HMGB3: variants seen among roughly 807,000 people sequenced by gnomAD.
HMGB3 encodes high mobility group protein B3.
Under a neutral mutation model 12.9 loss-of-function variants are expected in HMGB3, and 1 was observed. That is an observed-to-expected ratio of 0.08 (90% confidence interval 0.03 to 0.37). The LOEUF (loss-of-function observed/expected upper bound fraction) is 0.37. HMGB3 is among the 10% of genes least tolerant of loss of function. The probability of loss-of-function intolerance (pLI) is 0.99; values close to 1 mark genes in which losing one functional copy is unlikely to be tolerated. For missense variants in HMGB3, 74 were observed against 153.3 expected (o/e 0.48, Z 2.73); for synonymous variants, 61 against 53.9 (o/e 1.13, Z -0.57).
Position 150,985,583 on chromosome X carries a change from CT to C in HMGB3, c.-5-8del. ...TTCCTCATTGTATTTCTTTGTTTCT[CT>C]TTTATCACAGTCAGGATGGCTAAAG... On this transcript the variant is annotated splice_polypyrimidine_tract_variant and intron_variant, in intron 1 of 4. Coordinates refer to ENST00000325307, the MANE Select transcript of HMGB3 (RefSeq NM_005342.4). The C allele has an allele frequency of 8.6e-7, 1 of 1,162,348 alleles. No homozygotes were observed. The highest frequency in any genetic ancestry group is 1.1e-6 in the Non-Finnish European group (1 of 873,397).
intron 1 of HMGB3, 58 bp downstream of exon 1, chrX:150,983,434 G>A (rs2048009654): frequency 3.0e-6 from 2 of 657,097 alleles, no homozygotes; most frequent in East Asian, 1.6e-4. Context: ...CGCCGCCGCC[G>A]CCGCCGCCGC....
chrX:150,988,216 A>C lies in HMGB3; in HGVS notation c.*302A>C. 1 of 206,219 alleles carries C rather than the reference A, an allele frequency of 4.8e-6. No homozygotes were observed. Among genetic ancestry groups the C allele is most frequent in the East Asian group, 8.6e-5 (1 of 11,585 alleles). The allele number at this position is 206,219 out of a possible 1,213,427, so 17.0% of individuals were successfully genotyped here. A position where few individuals can be genotyped will look rare whatever the true frequency, so the allele number is the denominator to read the frequency against. ...CACTTTGCTGTTGGTGTGACAAGGCATTTAAAGATGTTTCTGGCATTTTCT... is the reference window on the plus strand; with the variant it reads ...CACTTTGCTGTTGGTGTGACAAGGCCTTTAAAGATGTTTCTGGCATTTTCT... On this transcript the variant is annotated 3_prime_UTR_variant, in exon 5 of 5. Coordinates refer to ENST00000325307, the MANE Select transcript of HMGB3 (RefSeq NM_005342.4).
chrX:150,981,486 T>C (rs1228390534), upstream of HMGB3, among the ~76,000 whole-genome samples: 1 of 106,949 alleles, frequency 9.4e-6, no homozygotes, highest in African/African-American at 3.4e-5. Context: ...TTTTTTTTTT[T>C]TTTTTCGGAG....
At chrX:150,980,731 C>A, upstream of HMGB3, 1 of 332,321 alleles carries the variant, frequency 3.0e-6, no homozygotes, top group Non-Finnish European at 4.0e-6. Context: ...AACTGGGGGC[C>A]AGTTTGGGTT....
chrX:150,984,275 C>CG (rs1400473220), intron 1 of HMGB3, among the ~76,000 whole-genome samples: 1 of 78,472 alleles, frequency 1.3e-5, no homozygotes, highest in Non-Finnish European at 2.5e-5. Flanking sequence ...CGCCCCGCGC[C>CG]GGGGGGCGGG....
intron 1 of HMGB3, among the ~76,000 whole-genome samples, chrX:150,983,930 C>T (rs2048017970): frequency 9.5e-6 from 1 of 105,754 alleles, no homozygotes. Context: ...CTTGGCCCGG[C>T]GCCGCGCGGG....
rs1294484386 is a variant in HMGB3, at chrX:150,988,533, G to C, written c.*619G>C. 2.0e-5 allele frequency: 2 copies of C among 99,373 alleles called. No homozygotes were observed. Among genetic ancestry groups the C allele is most frequent in the East Asian group, 3.4e-4 (1 of 2,967 alleles). The allele number at this position is 99,373 out of a possible 1,213,427, so 8.2% of individuals were successfully genotyped here. A position where few individuals can be genotyped will look rare whatever the true frequency, so the allele number is the denominator to read the frequency against. On this transcript the variant is annotated 3_prime_UTR_variant, in exon 5 of 5. Transcript: ENST00000325307. Reference sequence around the variant, plus strand: ...GCTGCCATCTTAGCTGTGGACAAAGGGGGGTCAGCTGGCATGAGAATATTT... The same window carrying C: ...GCTGCCATCTTAGCTGTGGACAAAGCGGGGTCAGCTGGCATGAGAATATTT...
chrX:150,988,078 T>A lies in HMGB3; in HGVS notation c.*164T>A. 1.5e-6 allele frequency: 1 copy of A among 662,771 alleles called. No homozygotes were observed. Among genetic ancestry groups the A allele is most frequent in the East Asian group, 3.3e-5 (1 of 30,687 alleles). The allele number at this position is 662,771 out of a possible 1,213,427, so 54.6% of individuals were successfully genotyped here. A position where few individuals can be genotyped will look rare whatever the true frequency, so the allele number is the denominator to read the frequency against. The stretch of plus-strand genomic sequence containing the variant: ...AAAGTGCTCTAGAAATTGTCAGTGG[T>A]TTACATGAAGTGGCCATGGGTGTCT... On this transcript the variant is annotated 3_prime_UTR_variant, in exon 5 of 5. Transcript: ENST00000325307.
At chrX:150,984,302 CCCCGAGCCCCCGGGCGGCCCGGGCG>C (rs2048025583) in intron 1 of HMGB3, among the ~76,000 whole-genome samples, 1 of 92,470 alleles carries the variant, frequency 1.1e-5, no homozygotes, top group Non-Finnish European at 2.2e-5. Context: ...CGGCCCGGGC[CCCCGAGCCCCCGGGCGGCCCGGGCG>C]GGGCGGGGCG....
At chrX:150,986,607 C>T (rs781970016) in intron 3 of HMGB3, among the ~76,000 whole-genome samples, 5 of 110,515 alleles carry the variant, frequency 4.5e-5, no homozygotes, top group Non-Finnish European at 9.4e-5. Flanking sequence ...TATATATATG[C>T]GCGTATATAT....
rs1049273106 is a variant in HMGB3, at chrX:150,988,922, C to T, written c.*1008C>T. 1 of 111,123 alleles carries T rather than the reference C, an allele frequency of 9.0e-6. No homozygotes were observed. Among genetic ancestry groups the T allele is most frequent in the African/African-American group, 3.3e-5 (1 of 30,496 alleles). 9.2% of individuals were successfully genotyped at this position (111,123 alleles called of 1,213,427 possible). A position where few individuals can be genotyped will look rare whatever the true frequency, so the allele number is the denominator to read the frequency against. ...AGGGCTGAGATGAAGGAGAGGGCTA[C>T]TTGAAGCTACTGTGTGATTTTGTTT... On this transcript the variant is annotated 3_prime_UTR_variant, in exon 5 of 5. Transcript: ENST00000325307.
chrX:150,986,876 A>G (rs1266623249), intron 3 of HMGB3, among the ~76,000 whole-genome samples: 1 of 111,539 alleles, frequency 9.0e-6, no homozygotes, highest in Non-Finnish European at 1.9e-5. Flanking sequence ...GAAACTCCCA[A>G]CCTCAGGTGA....
chrX:150,987,439 C>T (rs2048064611), intron 4 of HMGB3, 137 bp downstream of exon 4: 14 of 496,784 alleles, frequency 2.8e-5, no homozygotes, highest in Admixed American at 1.4e-4. Context: ...AAGGTAGCTA[C>T]GGGTGCTGGT....
chrX:150,983,311 C>T, upstream of HMGB3: 1 of 755,539 alleles, frequency 1.3e-6, no homozygotes, highest in Non-Finnish European at 1.6e-6. Flanking sequence ...AGGCAGCTAG[C>T]GCGAGGCTGG....
intron 4 of HMGB3, among the ~76,000 whole-genome samples, 160 bp from the exon 5 acceptor site, chrX:150,987,617 G>A (rs1156855741): frequency 6.3e-5 from 7 of 111,923 alleles, no homozygotes; most frequent in Non-Finnish European, 1.3e-4. Flanking sequence ...GAATGGCTAA[G>A]AACCAAATTC....
chrX:150,987,143 G>T lies in HMGB3; in HGVS notation c.306G>T (p.Leu102=). ...APKRPPSGFF[L]FCSEFRPKIK... ...TTCTTCCAAGGTCTGGATTCTTCCT[G>T]TTCTGTTCAGAATTCCGCCCCAAGA... Residue 102 remains leucine (L), a synonymous_variant, in exon 4 of 5, where the codon CTG becomes CTT. Transcript: ENST00000325307. The T allele has an allele frequency of 8.3e-7, 1 of 1,206,855 alleles. No homozygotes were observed. The highest frequency in any genetic ancestry group is 1.1e-6 in the Non-Finnish European group (1 of 892,541).
upstream of HMGB3, chrX:150,983,206 G>T (rs1196709584): frequency 1.6e-6 from 1 of 636,374 alleles, no homozygotes. Flanking sequence ...GGGCGTCCAC[G>T]CCTGCTTAAT....
upstream of HMGB3, chrX:150,980,702 C>T: frequency 5.4e-6 from 3 of 553,291 alleles, no homozygotes; most frequent in Non-Finnish European, 4.4e-6. Context: ...GGCAGGGAAG[C>T]ATGGATCTTG....
rs184332647 is a variant in HMGB3 at position 150,986,889 on chromosome X, C to T, written c.291-239C>T. On this transcript the variant is annotated intron_variant, in intron 3 of 4. Coordinates refer to ENST00000325307, the MANE Select transcript of HMGB3 (RefSeq NM_005342.4). ...CTGAAACTCCCAACCTCAGGTGATC[C>T]GCCTGCCTCGGCCTCCCAAAGTGCT... Among the ~76,000 whole-genome samples, 555 of 111,666 alleles carry T rather than the reference C, an allele frequency of 5.0e-3. 3 individuals are homozygous for T. The highest frequency in any genetic ancestry group is 6.5e-3 in the Non-Finnish European group (346 of 53,168).
Sources: allele counts gnomAD v4.1 joint callset (sites outside exome capture counted in the v4.1 genomes callset), GRCh38; gene constraint gnomAD v4.1.1; transcripts MANE v1.5; gene names NCBI Gene and HGNC (gene_info 2026-07-23, HGNC 2026-07-21).